MKLN1: variants seen among roughly 807,000 people sequenced by gnomAD.
MKLN1 encodes muskelin.
In MKLN1, 18 loss-of-function variants were observed where a neutral mutation model predicts 99.0. The ratio of observed to expected loss-of-function variants is 0.18; its 90% CI spans 0.13 to 0.27. The LOEUF (loss-of-function observed/expected upper bound fraction) is 0.27, where lower values mean the gene tolerates loss of function less well. Among genes scored for constraint, MKLN1 ranks in the 10% least tolerant of loss-of-function variants. MKLN1 has a pLI of 1.00. For synonymous variants in MKLN1, 288 were observed against 293.2 expected (o/e 0.98, Z 0.18); for missense variants, 621 against 875.9 (o/e 0.71, Z 3.67).
intron 1 of MKLN1, among the ~76,000 whole-genome samples, chr7:131,142,178 G>C (rs947012268): frequency 1.1e-4 from 16 of 151,972 alleles, no homozygotes; most frequent in African/African-American, 3.4e-4. Context: ...GGTCGAGGTG[G>C]GCAGATCACC....
In MKLN1 at chr7:131,231,256, A is replaced by G. The variant is rs1227481964; in HGVS notation, c.-179+28282A>G. Reference sequence around the variant, plus strand: ...TAGCATGTCAGGAAAAGATTCAGAGAGTTGATACTTAGGAACTGAGTCTTA... The same window carrying G: ...TAGCATGTCAGGAAAAGATTCAGAGGGTTGATACTTAGGAACTGAGTCTTA... On this transcript the variant is annotated intron_variant, in intron 3 of 7. Coordinates refer to the MKLN1 transcript ENST00000416992. Among the ~76,000 whole-genome samples, 4 of 151,978 alleles carry G rather than the reference A, an allele frequency of 2.6e-5. No individual in the cohort carries two copies. In the South Asian group the frequency reaches 6.2e-4, roughly 24 times the overall value.
rs532361703 is a variant in MKLN1, at chr7:131,268,823, G to A, written c.-179+65849G>A. 5.3e-5 allele frequency among the ~76,000 whole-genome samples: 8 copies of A among 152,246 alleles called. No homozygotes were observed. In the South Asian group the frequency reaches 6.2e-4, roughly 12 times the overall value. ...GCAGACAGTGCTGTTCTTGTATGTC[G>A]TCAAAGATGTGGAAAATAAATATGC... On this transcript the variant is annotated intron_variant, in intron 3 of 7. Coordinates refer to the MKLN1 transcript ENST00000416992.
At chr7:131,198,874 G>A (rs1204386150) in intron 2 of MKLN1, among the ~76,000 whole-genome samples, 1 of 151,948 alleles carries the variant, frequency 6.6e-6, no homozygotes, top group Admixed American at 6.6e-5. Flanking sequence ...CATTCTGGAT[G>A]TGGAAATGAG....
At chr7:131,430,461 T>TA (rs1012232255) in intron 9 of MKLN1, among the ~76,000 whole-genome samples, 180 of 149,042 alleles carry the variant, frequency 1.2e-3, no homozygotes, top group East Asian at 9.8e-3. Context: ...AATCTTAAAT[T>TA]AAAAAAAAAA....
At chr7:131,288,953 G>A (rs1798173970) in intron 3 of MKLN1, among the ~76,000 whole-genome samples, 1 of 152,066 alleles carries the variant, frequency 6.6e-6, no homozygotes, top group Non-Finnish European at 1.5e-5. Context: ...ATCAAGTGCA[G>A]GTGGTTAGGC....
intron 3 of MKLN1, among the ~76,000 whole-genome samples, chr7:131,282,707 T>C (rs906886800): frequency 6.6e-6 from 1 of 152,162 alleles, no homozygotes; most frequent in African/African-American, 2.4e-5. Context: ...TTTGAAAACA[T>C]TAATAGAATA....
chr7:131,120,148 G>A (rs1584772210), intron 1 of MKLN1, among the ~76,000 whole-genome samples: 2 of 136,092 alleles, frequency 1.5e-5, no homozygotes, highest in African/African-American at 5.7e-5. Context: ...TCCAGCCTGG[G>A]GGACAGAGTG....
At chr7:131,414,414 A>T (rs2116343311) in intron 7 of MKLN1, among the ~76,000 whole-genome samples, 1 of 152,322 alleles carries the variant, frequency 6.6e-6, no homozygotes, top group South Asian at 2.1e-4. Flanking sequence ...ATAAATCAAA[A>T]ATAACTTCCA....
intron 2 of MKLN1, among the ~76,000 whole-genome samples, chr7:131,192,078 CAT>C (rs1554534633): frequency 1.2e-5 from 1 of 84,092 alleles, no homozygotes; most frequent in African/African-American, 5.4e-5. Context: ...TATATATATA[CAT>C]ATATATTATA....
intron 4 of MKLN1, among the ~76,000 whole-genome samples, chr7:131,393,060 A>ATTT (rs781739247): frequency 6.6e-6 from 1 of 151,936 alleles, no homozygotes; most frequent in Non-Finnish European, 1.5e-5. Context: ...TTTAAAAACA[A>ATTT]TTTTTTTGTA....
intron 3 of MKLN1, among the ~76,000 whole-genome samples, chr7:131,252,244 A>ATT: frequency 6.6e-6 from 1 of 152,040 alleles, no homozygotes; most frequent in South Asian, 2.1e-4. Context: ...AATGGACTTG[A>ATT]TTTAATGAAA....
At chr7:131,328,783 T>C (rs983717911) in intron 1 of MKLN1, among the ~76,000 whole-genome samples, 1 of 152,236 alleles carries the variant, frequency 6.6e-6, no homozygotes, top group African/African-American at 2.4e-5. Context: ...TGATCCCTGA[T>C]TTAGGTGTTA....
At chr7:131,426,324 G>A (rs192708463) in intron 8 of MKLN1, among the ~76,000 whole-genome samples, 2 of 152,226 alleles carry the variant, frequency 1.3e-5, no homozygotes, top group Non-Finnish European at 2.9e-5. Context: ...AAAACAAAAG[G>A]TCAATTGCTA....
chr7:131,254,694 T>C (rs1797632237), intron 3 of MKLN1, among the ~76,000 whole-genome samples: 1 of 151,680 alleles, frequency 6.6e-6, no homozygotes, highest in African/African-American at 2.4e-5. Context: ...TAGATTTGAA[T>C]TGGCATACGA....
chr7:131,254,463 A>G (rs970648959), intron 3 of MKLN1, among the ~76,000 whole-genome samples: 2 of 152,232 alleles, frequency 1.3e-5, no homozygotes. Flanking sequence ...TTGAGGGCTC[A>G]GATATCAGAC....
At chr7:131,387,860 C>T (rs1184265821) in intron 3 of MKLN1, among the ~76,000 whole-genome samples, 1 of 151,956 alleles carries the variant, frequency 6.6e-6, no homozygotes, top group Admixed American at 6.6e-5. Context: ...CAAATGAAAC[C>T]ATGGAGATTT....
chr7:131,473,434 CAACTATATA>C (rs1056295260), intron 16 of MKLN1, among the ~76,000 whole-genome samples: 5 of 151,868 alleles, frequency 3.3e-5, no homozygotes, highest in African/African-American at 1.2e-4. Context: ...AGCTGACTAT[CAACTATATA>C]ACAAAAAAAT....
intron 3 of MKLN1, among the ~76,000 whole-genome samples, chr7:131,254,993 G>C (rs1250854539): frequency 6.6e-6 from 1 of 152,082 alleles, no homozygotes; most frequent in African/African-American, 2.4e-5. Flanking sequence ...CTGGGCTCAA[G>C]GGATCCTCCT....
chr7:131,434,422 GTT>G (rs1249672819), intron 9 of MKLN1, among the ~76,000 whole-genome samples: 4 of 152,082 alleles, frequency 2.6e-5, no homozygotes, highest in Non-Finnish European at 5.9e-5. Context: ...CAATTGGTTT[GTT>G]AATATTGCCT....
Sources: gnomAD v4.1 joint callset for allele counts (sites outside exome capture counted in the v4.1 genomes callset) on GRCh38, gnomAD v4.1.1 for gene constraint, MANE v1.5 for transcripts, NCBI Gene and HGNC (gene_info 2026-07-23, HGNC 2026-07-21) for gene names.